SLC39A8: variants seen among roughly 807,000 people sequenced by gnomAD.
SLC39A8 encodes metal cation symporter ZIP8.
Under a neutral mutation model 40.4 loss-of-function variants are expected in SLC39A8, and 15 were observed. The observed-to-expected ratio is 0.37, with a 90% CI of 0.25 to 0.57. SLC39A8 has a LOEUF of 0.57. Ranked by LOEUF, SLC39A8 falls within the 20% of genes least tolerant of loss-of-function variation. The pLI, the probability that SLC39A8 is intolerant of heterozygous loss-of-function variation, is 0.75. For missense variants in SLC39A8, 472 were observed against 558.8 expected, an observed-to-expected ratio of 0.84 and a Z score of 1.57; for synonymous variants, 223 against 221.6, an observed-to-expected ratio of 1.01 and a Z score of -0.06.
exon 12 of SLC39A8, chr4:102,251,659 G>C (rs547444978): frequency 6.6e-6 from 1 of 152,366 alleles, no homozygotes; most frequent in East Asian, 1.9e-4. Context: ...AGGATGCAGT[G>C]AGAGTCAATC....
rs1265567153 is a variant in SLC39A8 at position 102,262,080 on chromosome 4, A to G, written c.*964T>C. The G allele has an allele frequency of 2.0e-6, 2 of 985,868 alleles. No individual in the cohort carries two copies. The highest frequency in any genetic ancestry group is 2.4e-6 in the Non-Finnish European group (2 of 829,932). 61.1% of individuals were successfully genotyped at this position (985,868 alleles called of 1,614,324 possible). A position where few individuals can be genotyped will look rare whatever the true frequency, so the allele number is the denominator to read the frequency against. On this transcript the variant is annotated 3_prime_UTR_variant, in exon 9 of 9. Transcript: ENST00000356736. Reference sequence around the variant, plus strand: ...GCTCTCGATCACACATAAGGAACATATGTTTTCCAGTTAATCTGTCCTTGA... The same window carrying G: ...GCTCTCGATCACACATAAGGAACATGTGTTTTCCAGTTAATCTGTCCTTGA...
chr4:102,281,217 T>C (rs754101957), intron 6 of SLC39A8, among the ~76,000 whole-genome samples: 5 of 152,150 alleles, frequency 3.3e-5, no homozygotes, highest in African/African-American at 4.8e-5. Context: ...CAGGAAATTG[T>C]TTAAATTTCA....
intron 6 of SLC39A8, among the ~76,000 whole-genome samples, chr4:102,302,563 G>A (rs986748641): frequency 5.9e-5 from 9 of 151,994 alleles, no homozygotes; most frequent in Admixed American, 1.3e-4. Flanking sequence ...TTTAACAGTT[G>A]ATGTTGTCAT....
chr4:102,302,810 C>A (rs1186296472), intron 6 of SLC39A8, among the ~76,000 whole-genome samples: 3 of 151,952 alleles, frequency 2.0e-5, no homozygotes, highest in Non-Finnish European at 1.5e-5. Flanking sequence ...AGGCATAGTC[C>A]TTGAGCATTT....
chr4:102,302,609 G>C (rs779888291), intron 6 of SLC39A8, among the ~76,000 whole-genome samples: 1 of 152,010 alleles, frequency 6.6e-6, no homozygotes, highest in Non-Finnish European at 1.5e-5. Flanking sequence ...AAGGAAGGCA[G>C]TCCAGCAAAG....
downstream of SLC39A8, among the ~76,000 whole-genome samples, chr4:102,258,776 G>A (rs1480055204): frequency 6.6e-6 from 1 of 152,128 alleles, no homozygotes; most frequent in Non-Finnish European, 1.5e-5. Flanking sequence ...TCTTCAGAGG[G>A]GTTCCTGCCA....
At chr4:102,325,061 A>G (rs536061996) in intron 2 of SLC39A8, among the ~76,000 whole-genome samples, 8 of 152,176 alleles carry the variant, frequency 5.3e-5, no homozygotes, top group African/African-American at 1.9e-4. Context: ...TCTCCCTGAT[A>G]TATACATACA....
chr4:102,259,712 A>G (rs1731794580), downstream of SLC39A8, among the ~76,000 whole-genome samples: 1 of 152,218 alleles, frequency 6.6e-6, no homozygotes, highest in Non-Finnish European at 1.5e-5. Context: ...GTAGGGCCCT[A>G]CCTAGCAGAC....
intron 3 of SLC39A8, among the ~76,000 whole-genome samples, chr4:102,311,069 G>A (rs1463334524): frequency 6.6e-6 from 1 of 151,996 alleles, no homozygotes; most frequent in Non-Finnish European, 1.5e-5. Flanking sequence ...ATTTTTGCCT[G>A]GCCCCATTTA....
chr4:102,291,809 A>G (rs1733458832), intron 6 of SLC39A8, among the ~76,000 whole-genome samples: 1 of 152,026 alleles, frequency 6.6e-6, no homozygotes, highest in African/African-American at 2.4e-5. Context: ...TCAATCCATC[A>G]ACAGACAAAT....
At position 102,290,689 on chromosome 4, in the gene SLC39A8, G is replaced by C. The variant is rs62327948; in HGVS notation, c.840+13628C>G. On this transcript the variant is annotated intron_variant, in intron 6 of 8. Coordinates refer to ENST00000356736, the MANE Select transcript of SLC39A8 (RefSeq NM_001135146.2). Reference sequence around the variant, plus strand: ...TTGGCCCCTGAAAATGAGGACACTGGCTCAGGGCTGAGGATTCTGACTTTC... The same window carrying C: ...TTGGCCCCTGAAAATGAGGACACTGCCTCAGGGCTGAGGATTCTGACTTTC... Among the ~76,000 whole-genome samples the C allele has an allele frequency of 5.1e-4, 77 of 149,956 alleles. 2 individuals are homozygous for C. In the South Asian group the frequency reaches 6.4e-3, roughly 13 times the overall value.
intron 6 of SLC39A8, among the ~76,000 whole-genome samples, chr4:102,281,254 G>A (rs1267951280): frequency 6.6e-6 from 1 of 152,148 alleles, no homozygotes; most frequent in Non-Finnish European, 1.5e-5. Flanking sequence ...TCAGTTGCTA[G>A]GATCCTTAAA....
chr4:102,257,193 T>C (rs1433411974), downstream of SLC39A8, among the ~76,000 whole-genome samples: 1 of 151,934 alleles, frequency 6.6e-6, no homozygotes, highest in Non-Finnish European at 1.5e-5. Flanking sequence ...CTTGCTCTGT[T>C]ACCCATGCTA....
chr4:102,258,104 G>GTTTTTTTTTT (rs752860248), downstream of SLC39A8, among the ~76,000 whole-genome samples: 3 of 146,134 alleles, frequency 2.1e-5, no homozygotes, highest in African/African-American at 5.4e-5. Context: ...AGTGTTTTTT[G>GTTTTTTTTTT]TTTTTTGTTT....
chr4:102,336,835 T>C (rs1224878795), intron 2 of SLC39A8, among the ~76,000 whole-genome samples: 2 of 152,264 alleles, frequency 1.3e-5, no homozygotes, highest in East Asian at 1.9e-4. Flanking sequence ...AAACAGACAA[T>C]TGGGAATAAT....
intron 3 of SLC39A8, among the ~76,000 whole-genome samples, chr4:102,313,488 T>C (rs1305869354): frequency 1.3e-5 from 2 of 152,116 alleles, no homozygotes; most frequent in African/African-American, 4.8e-5. Flanking sequence ...AATCCGGAAA[T>C]GAAAACAGGC....
At chr4:102,313,018 C>T (rs1221614172) in intron 3 of SLC39A8, among the ~76,000 whole-genome samples, 1 of 152,122 alleles carries the variant, frequency 6.6e-6, no homozygotes, top group Non-Finnish European at 1.5e-5. Flanking sequence ...TAAATATACT[C>T]TAGCAAAAAT....
At chr4:102,318,516 A>C (rs921319321) in intron 2 of SLC39A8, among the ~76,000 whole-genome samples, 1 of 152,196 alleles carries the variant, frequency 6.6e-6, no homozygotes, top group Non-Finnish European at 1.5e-5. Flanking sequence ...GATATTTATT[A>C]TACTTTGACT....
At chr4:102,316,066 C>T (rs917367665) in intron 2 of SLC39A8, among the ~76,000 whole-genome samples, 2 of 151,820 alleles carry the variant, frequency 1.3e-5, no homozygotes, top group African/African-American at 4.8e-5. Flanking sequence ...TTTCCTACAG[C>T]AGAAAATAAA....
Sources: allele counts gnomAD v4.1 joint callset (sites outside exome capture counted in the v4.1 genomes callset), GRCh38; gene constraint gnomAD v4.1.1; transcripts MANE v1.5; gene names NCBI Gene and HGNC (gene_info 2026-07-23, HGNC 2026-07-21).